The following SLITRK3 variants were observed in gnomAD, a reference collection of about 807,000 sequenced individuals.
SLITRK3 encodes the protein SLIT and NTRK-like protein 3.
In SLITRK3, 16 loss-of-function variants were observed where a neutral mutation model predicts 63.6. The ratio of observed to expected loss-of-function variants is 0.25; its 90% CI spans 0.17 to 0.38. SLITRK3 has a LOEUF of 0.38. SLITRK3 is among the 10% of genes least tolerant of loss of function. The probability of loss-of-function intolerance (pLI) is 1.00; values close to 1 mark genes in which losing one functional copy is unlikely to be tolerated. For synonymous variants in SLITRK3, 547 were observed against 451.6 expected, an observed-to-expected ratio of 1.21 and a Z score of -2.68; for missense variants, 1,117 against 1,181.4, an observed-to-expected ratio of 0.95 and a Z score of 0.80.
rs914338175 is a variant in SLITRK3, at chr3:165,195,976, G to A, written c.-418C>T. 22 of 152,766 alleles carry A rather than the reference G, an allele frequency of 1.4e-4. No homozygotes were observed. The highest frequency in any genetic ancestry group is 5.3e-4 in the African/African-American group (22 of 41,564). 9.5% of individuals were successfully genotyped at this position (152,766 alleles called of 1,614,324 possible). A position where few individuals can be genotyped will look rare whatever the true frequency, so the allele number is the denominator to read the frequency against. On this transcript the variant is annotated 5_prime_UTR_variant, in exon 1 of 2. Coordinates refer to ENST00000475390, the MANE Select transcript of SLITRK3 (RefSeq NM_001318810.2). ...ATCAGTGGAGAGCTTCGTTGTTCCC[G>A]AGAGCCTGAGCTCAGTCTCTGGATT...
rs1450066254 is a variant in SLITRK3 at position 165,190,495 on chromosome 3, T to C, written c.336A>G (p.Ala112=). The C allele has an allele frequency of 1.9e-6, 3 of 1,613,856 alleles. No homozygotes were observed. The highest frequency in any genetic ancestry group is 1.7e-5 in the Admixed American group (1 of 60,004). Residue 112 remains alanine (A), a synonymous_variant, in exon 2 of 2, where the codon GCA becomes GCG. Transcript: ENST00000475390. ...NAVSINLGNN[A]LQDIQTGAFN... ...AAGCTCCAGTCTGAATGTCCTGCAA[T>C]GCATTGTTCCCAAGATTAATAGACA...
intron 1 of SLITRK3, among the ~76,000 whole-genome samples, chr3:165,194,623 C>G (rs528722018): frequency 1.6e-4 from 24 of 152,262 alleles, no homozygotes; most frequent in African/African-American, 5.3e-4. Context: ...CACCCTCCCC[C>G]CCATCCCCCG....
Position 165,190,730 on chromosome 3 carries a change from A to G in SLITRK3, c.101T>C (p.Ile34Thr), listed in dbSNP as rs765659100. 3.7e-6 allele frequency: 6 copies of G among 1,613,952 alleles called. No homozygotes were observed. In the African/African-American group the frequency reaches 4.0e-5, roughly 11 times the overall value. ...ALGWTTPIPL[I>T]EDSEEIDEPC... ...CTCATCTATTTCCTCTGAGTCCTCTATTAGGGGAATCGGGGTAGTCCATCC... is the reference window on the plus strand; with the variant it reads ...CTCATCTATTTCCTCTGAGTCCTCTGTTAGGGGAATCGGGGTAGTCCATCC... The change falls in exon 2 of 2, where the codon ATA becomes ACA. Residue 34 changes from isoleucine (I) to threonine (T), a missense_variant. Coordinates refer to ENST00000475390, the MANE Select transcript of SLITRK3 (RefSeq NM_001318810.2).
intron 1 of SLITRK3, among the ~76,000 whole-genome samples, chr3:165,192,005 A>C (rs1718246708): frequency 6.6e-6 from 1 of 152,230 alleles, no homozygotes; most frequent in South Asian, 2.1e-4. Context: ...TGTTTACATA[A>C]ATGATAATAA....
At chr3:165,196,387 C>A (rs1477843490), upstream of SLITRK3, among the ~76,000 whole-genome samples, 1 of 149,074 alleles carries the variant, frequency 6.7e-6, no homozygotes, top group Non-Finnish European at 1.5e-5. Flanking sequence ...AGTCCTCTGA[C>A]CGCTCACCAT....
In SLITRK3 at chr3:165,196,250, G is replaced by A. The variant is rs1718412518; in HGVS notation, c.-692C>T. 6.7e-6 allele frequency among the ~76,000 whole-genome samples: 1 copy of A among 149,156 alleles called. No individual in the cohort carries two copies. The highest frequency in any genetic ancestry group is 1.5e-5 in the Non-Finnish European group (1 of 67,314). On this transcript the variant is annotated 5_prime_UTR_variant, in exon 1 of 2. Transcript: ENST00000475390. Reference sequence around the variant, plus strand: ...CAGCATTGGTCAGACGGCGAAGGTGGGGGGAAAGAAGGAGAGGGGGAGAGA... The same window carrying A: ...CAGCATTGGTCAGACGGCGAAGGTGAGGGGAAAGAAGGAGAGGGGGAGAGA...
chr3:165,189,520 C>T lies in SLITRK3; in HGVS notation c.1311G>A (p.Leu437=). Residue 437 remains leucine, a synonymous_variant, in exon 2 of 2, where the codon TTG becomes TTA. Transcript: ENST00000475390. The surrounding 1 kb of genome is among the most constrained non-coding windows in gnomAD (Gnocchi z 4.0). ...AGGAAATACGATTGTTCCCCAGATGCAAGAGATCCAAGGAAGAAAAATTCC... is the reference window on the plus strand; with the variant it reads ...AGGAAATACGATTGTTCCCCAGATGTAAGAGATCCAAGGAAGAAAAATTCC... ...DFWNFSSLDL[L]HLGNNRISYV... 6.2e-7 allele frequency: 1 copy of T among 1,613,902 alleles called. No homozygotes were observed.
At position 165,190,422 on chromosome 3, in the gene SLITRK3, G is replaced by C. The variant is rs764689566; in HGVS notation, c.409C>G (p.Leu137Val). The C allele has an allele frequency of 2.5e-6, 4 of 1,613,736 alleles. No homozygotes were observed. In the South Asian group the frequency reaches 4.4e-5, roughly 18 times the overall value. ...LKRLYLHENKLDVFRNDTFLG... is the reference protein window; with the variant it reads ...LKRLYLHENKVDVFRNDTFLG... ...AAGGTGTCATTTCTGAAGACATCTA[G>C]TTTGTTTTCATGTAGATATAGTCTC... Residue 137 changes from leucine (L) to valine (V), a missense_variant, in exon 2 of 2, where the codon CTA becomes GTA. Transcript: ENST00000475390.
In SLITRK3 at chr3:165,190,198, A is replaced by G; in HGVS notation, c.633T>C (p.Leu211=). The G allele has an allele frequency of 6.2e-7, 1 of 1,614,192 alleles. No homozygotes were observed. The highest frequency in any genetic ancestry group is 1.1e-5 in the South Asian group (1 of 91,082). ...LDLRGNRLKV[L]FYRGMLDHIG... ...TGTGATCTAGCATTCCTCGGTAAAA[A>G]AGAACCTTTAACCTATTTCCACGTA... The change falls in exon 2 of 2, where the codon CTT becomes CTC. Residue 211 remains leucine (L), a synonymous_variant. Coordinates refer to ENST00000475390, the MANE Select transcript of SLITRK3 (RefSeq NM_001318810.2).
rs1046815997 is a variant in SLITRK3 at position 165,187,589 on chromosome 3, A to G, written c.*308T>C. 1 of 255,880 alleles carries G rather than the reference A, an allele frequency of 3.9e-6. No individual in the cohort carries two copies. Among genetic ancestry groups the G allele is most frequent in the Admixed American group, 4.8e-5 (1 of 20,686 alleles). 15.9% of individuals were successfully genotyped at this position (255,880 alleles called of 1,614,324 possible). On this transcript the variant is annotated 3_prime_UTR_variant, in exon 2 of 2. Transcript: ENST00000475390. The stretch of plus-strand genomic sequence containing the variant: ...CATACAATGATCCCCAGTATATCTT[A>G]TACATGGCACAGTCAAAGTCTCAAG...
At position 165,190,817 on chromosome 3, in the gene SLITRK3, A is replaced by G. The variant is rs746679521; in HGVS notation, c.14T>C (p.Ile5Thr). The change falls in exon 2 of 2, where the codon ATA becomes ACA. Residue 5 changes from isoleucine to threonine, a missense_variant. Transcript: ENST00000475390. MKPS[I>T]AEMLHRGRML... ...CCTTCCTCTGTGAAGCATCTCAGCT[A>G]TGGAAGGTTTCATCGTTCGTGGTTG... 4 of 1,582,072 alleles carry G rather than the reference A, an allele frequency of 2.5e-6. No individual in the cohort carries two copies. The highest frequency in any genetic ancestry group is 2.2e-5 in the East Asian group (1 of 44,554).
intron 1 of SLITRK3, 92 bp from the exon 2 acceptor site, chr3:165,190,943 T>C: frequency 1.1e-6 from 1 of 908,928 alleles, no homozygotes; most frequent in Non-Finnish European, 1.6e-6. Flanking sequence ...AAGAGCTATA[T>C]AAAAACTTCA....
Position 165,188,855 on chromosome 3 carries a change from C to G in SLITRK3, c.1976G>C (p.Ser659Thr), listed in dbSNP as rs1419332267. The stretch of plus-strand genomic sequence containing the variant: ...TGCTGAGAAAAACAGAACCAGCAGG[C>G]TGAGAATTAACACAGAAAGTGGCAC... ...GPVPLSVLIL[S>T]LLVLFFSAVF... The change falls in exon 2 of 2, where the codon AGC becomes ACC. Residue 659 changes from serine (S) to threonine (T), a missense_variant. Ser to Thr is a moderately conservative substitution (Grantham distance 58, BLOSUM62 1). This residue lies in a region of SLITRK3 where 499 missense variants were observed against 463.6 expected (regional missense o/e 1.08). Transcript: ENST00000475390. 1 of 1,614,116 alleles carries G rather than the reference C, an allele frequency of 6.2e-7. No individual in the cohort carries two copies. Among genetic ancestry groups the G allele is most frequent in the East Asian group, 2.2e-5 (1 of 44,860 alleles).
chr3:165,191,235 C>T (rs1438511209), intron 1 of SLITRK3, among the ~76,000 whole-genome samples: 1 of 152,148 alleles, frequency 6.6e-6, no homozygotes, highest in Admixed American at 6.5e-5. Context: ...CCTGTTAAAA[C>T]TCATGTTGAC....
At chr3:165,196,881 C>CTCTCTCTCTCTG (rs1718444377), upstream of SLITRK3, 3 of 133,964 alleles carry the variant, frequency 2.2e-5, no homozygotes, top group African/African-American at 6.7e-5. Flanking sequence ...TGATCTCTCT[C>CTCTCTCTCTCTG]TCTCTCTCTC....
chr3:165,192,998 A>G (rs1218581494), intron 1 of SLITRK3, among the ~76,000 whole-genome samples: 1 of 152,118 alleles, frequency 6.6e-6, no homozygotes, highest in Non-Finnish European at 1.5e-5. Flanking sequence ...TATATGTGCT[A>G]TAACCCTGAA....
In SLITRK3 at chr3:165,188,187, T is replaced by C. The variant is rs998354923; in HGVS notation, c.2644A>G (p.Ser882Gly). The change falls in exon 2 of 2, where the codon AGT (serine) becomes GGT (glycine). Residue 882 changes from serine to glycine, a missense_variant. Ser to Gly is a moderately conservative substitution (Grantham distance 56). Around this residue, in one of 4 missense-constraint regions of SLITRK3, gnomAD observed 499 missense variants for 463.6 expected, o/e 1.08. Coordinates refer to ENST00000475390, the MANE Select transcript of SLITRK3 (RefSeq NM_001318810.2). ...FPPGGGCGSG[S>G]MLLDRERPQP... Reference sequence around the variant, plus strand: ...GGCCTCTCTCGATCTAGTAGCATACTGCCACTACCACAGCCTCCCCCAGGA... The same window carrying C: ...GGCCTCTCTCGATCTAGTAGCATACCGCCACTACCACAGCCTCCCCCAGGA... 1 of 1,613,814 alleles carries C rather than the reference T, an allele frequency of 6.2e-7. No homozygotes were observed. Among genetic ancestry groups the C allele is most frequent in the Non-Finnish European group, 8.5e-7 (1 of 1,179,954 alleles).
upstream of SLITRK3, chr3:165,196,500 G>A (rs113752276): frequency 0.013 from 1,961 of 155,060 alleles, 49 homozygotes; most frequent in African/African-American, 0.045. Flanking sequence ...TCGCGGCGGC[G>A]GCGGCGGCGG....
Position 165,194,895 on chromosome 3 carries a change from G to A in SLITRK3, c.-22+685C>T, listed in dbSNP as rs192920136. Among the ~76,000 whole-genome samples the A allele has an allele frequency of 2.0e-4, 31 of 152,200 alleles. No homozygotes were observed. The East Asian group carries it at 6.0e-3, about 29-fold the overall frequency. On this transcript the variant is annotated intron_variant, in intron 1 of 1. Transcript: ENST00000475390. ...ATAGCGCGTCTAAAGGACAGGGAGG[G>A]CTCCAAAAGTTAGGGAATATTGAGC...
Sources: gnomAD v4.1 joint callset for allele counts (sites outside exome capture counted in the v4.1 genomes callset) on GRCh38, gnomAD v4.1.1 for gene constraint, gnomAD v4.1.1 regional missense constraint, Gnocchi (gnomAD v3.1) non-coding constraint, MANE v1.5 for transcripts, NCBI Gene and HGNC (gene_info 2026-07-23, HGNC 2026-07-21) for gene names.